RADIL: variants seen among roughly 807,000 people sequenced by gnomAD.
RADIL encodes ras-associating and dilute domain-containing protein.
In RADIL, 99 loss-of-function variants were observed where a neutral mutation model predicts 97.6. The ratio of observed to expected loss-of-function variants is 1.01; its 90% confidence interval spans 0.86 to 1.20. The LOEUF is 1.20. Ranked by LOEUF, RADIL falls within the 50% of genes most tolerant of loss-of-function variation. RADIL has a pLI of 0.00. For synonymous variants in RADIL, 803 were observed against 691.8 expected, an observed-to-expected ratio of 1.16 and a Z score of -2.52; for missense variants, 1,765 against 1,498.9, an observed-to-expected ratio of 1.18 and a Z score of -2.93.
intron 2 of RADIL, among the ~76,000 whole-genome samples, chr7:4,851,154 G>A (rs1008747761): frequency 9.3e-5 from 14 of 151,318 alleles, no homozygotes; most frequent in Admixed American, 5.3e-4. Flanking sequence ...GCAGTGAGCC[G>A]AGCTCATGCC....
At chr7:4,832,760 A>T (rs1290531191) in intron 4 of RADIL, among the ~76,000 whole-genome samples, 2 of 145,568 alleles carry the variant, frequency 1.4e-5, no homozygotes, top group Non-Finnish European at 2.9e-5. Flanking sequence ...AAAAAAAAAA[A>T]AAAGAATTAT....
intron 9 of RADIL, among the ~76,000 whole-genome samples, chr7:4,812,066 G>A (rs1394312144): frequency 6.6e-6 from 1 of 151,734 alleles, no homozygotes; most frequent in Admixed American, 6.6e-5. Flanking sequence ...TTTTTGTAGA[G>A]ATAGGGGTTC....
rs181760089 is a variant in RADIL, at chr7:4,879,118, G to A, written c.-64-915C>T. Among the ~76,000 whole-genome samples the A allele has an allele frequency of 6.3e-3, 967 of 152,322 alleles. 11 individuals carry two copies. Among genetic ancestry groups the A allele is most frequent in the African/African-American group, 0.022 (923 of 41,570 alleles). ...ACGGCGGGCACAAAGGGCCCCTCTC[G>A]AGCCGGTGCAGGCATGGCCGGAATG... On this transcript the variant is annotated intron_variant, in intron 1 of 14. Transcript: ENST00000399583. This position sits in a 1 kb window ranked among gnomAD's most constrained non-coding sequence, Gnocchi z 4.1.
Position 4,841,821 on chromosome 7 carries a change from C to T in RADIL, c.536-5216G>A, listed in dbSNP as rs143444379. On this transcript the variant is annotated intron_variant, in intron 2 of 14. Coordinates refer to ENST00000399583, the MANE Select transcript of RADIL (RefSeq NM_018059.5). Reference sequence around the variant, plus strand: ...CAGTGGCTCACGCCTGTAATCCCAGCACTTTGGGAGGCCGAGGCGGGAGGA... The same window carrying T: ...CAGTGGCTCACGCCTGTAATCCCAGTACTTTGGGAGGCCGAGGCGGGAGGA... Among the ~76,000 whole-genome samples, 655 of 152,350 alleles carry T rather than the reference C, an allele frequency of 4.3e-3. 4 individuals are homozygous for T. The highest frequency in any genetic ancestry group is 7.0e-3 in the Non-Finnish European group (476 of 68,038).
chr7:4,809,024 T>A (rs55822390), intron 9 of RADIL: 7 of 343,790 alleles, frequency 2.0e-5, no homozygotes, highest in Non-Finnish European at 2.3e-5. Flanking sequence ...CTGCCCCCCC[T>A]TGTCCCCTTC....
In RADIL at chr7:4,840,401, C is replaced by T. The variant is rs552086531; in HGVS notation, c.536-3796G>A. Among the ~76,000 whole-genome samples the T allele has an allele frequency of 4.6e-5, 7 of 152,184 alleles. No homozygotes were observed. Among genetic ancestry groups the T allele is most frequent in the Non-Finnish European group, 1.0e-4 (7 of 68,038 alleles). On this transcript the variant is annotated intron_variant, in intron 2 of 14. Transcript: ENST00000399583. This position sits in a 1 kb window ranked among gnomAD's most constrained non-coding sequence, Gnocchi z 5.6. ...GACAGGAGCCGAGGCACGTGGAGAGCATCCCTCGTGATGCTGACCCCAGCC... is the reference window on the plus strand; with the variant it reads ...GACAGGAGCCGAGGCACGTGGAGAGTATCCCTCGTGATGCTGACCCCAGCC...
rs369368164 is a variant in RADIL, at chr7:4,806,740, G to A, written c.2140-1024C>T. Among the ~76,000 whole-genome samples the A allele has an allele frequency of 4.1e-4, 63 of 152,322 alleles. 1 individual carries two copies. The South Asian group carries it at 0.012, about 28-fold the overall frequency. On this transcript the variant is annotated intron_variant, in intron 9 of 14. Transcript: ENST00000399583. Reference sequence around the variant, plus strand: ...CATTGCAGGAAACCCACTGCCCTGCGTGCTGGAACTGTCTTCACCTCCACC... The same window carrying A: ...CATTGCAGGAAACCCACTGCCCTGCATGCTGGAACTGTCTTCACCTCCACC...
At position 4,835,214 on chromosome 7, in the gene RADIL, C is replaced by T. The variant is rs181380789; in HGVS notation, c.809G>A (p.Arg270Gln). 50 of 1,610,982 alleles carry T rather than the reference C, an allele frequency of 3.1e-5. No individual in the cohort carries two copies. The African/African-American group carries it at 6.0e-4, about 19-fold the overall frequency. The change falls in exon 4 of 15, where the codon CGG (arginine) becomes CAG (glutamine). Residue 270 changes from arginine (R) to glutamine (Q), a missense_variant. Arg to Gln is a conservative substitution (Grantham distance 43). Transcript: ENST00000399583. The surrounding 1 kb of genome is among the most constrained non-coding windows in gnomAD (Gnocchi z 5.8). ...CCGCTGGCCCACCGTGTGCCGGTCC[C>T]GGTTGAGCACATACACCAGGCTGTC... ...QHDSLVYVLN[R>Q]DRHTVGQRTP... is the part of the protein sequence containing the mutation.
Position 4,814,576 on chromosome 7 carries a change from G to A in RADIL, c.2139+702C>T, listed in dbSNP as rs188647494. On this transcript the variant is annotated intron_variant, in intron 9 of 14. Transcript: ENST00000399583. This position sits in a 1 kb window ranked among gnomAD's most constrained non-coding sequence, Gnocchi z 4.5. The stretch of plus-strand genomic sequence containing the variant: ...GGCTGACTGTGTTGGGAGGGGGGTG[G>A]TGAGCAGCGAGGGAAGCAGGGAGGG... Among the ~76,000 whole-genome samples, 48 of 152,212 alleles carry A rather than the reference G, an allele frequency of 3.2e-4. No homozygotes were observed. The highest frequency in any genetic ancestry group is 6.2e-4 in the Non-Finnish European group (42 of 68,014).
Position 4,834,011 on chromosome 7 carries a change from C to G in RADIL, c.1416+596G>C, listed in dbSNP as rs115752259. 6.6e-6 allele frequency among the ~76,000 whole-genome samples: 1 copy of G among 152,174 alleles called. No individual in the cohort carries two copies. The highest frequency in any genetic ancestry group is 6.5e-5 in the Admixed American group (1 of 15,286). On this transcript the variant is annotated intron_variant, in intron 4 of 14. Coordinates refer to ENST00000399583, the MANE Select transcript of RADIL (RefSeq NM_018059.5). The surrounding 1 kb of genome is among the most constrained non-coding windows in gnomAD (Gnocchi z 6.0). ...AATCCTCTGCAATGCACAGGCCAGCCTCACAGCAAGGAGCTCTCCTGCCAC... is the reference window on the plus strand; with the variant it reads ...AATCCTCTGCAATGCACAGGCCAGCGTCACAGCAAGGAGCTCTCCTGCCAC...
In RADIL at chr7:4,832,090, C is replaced by A. The variant is rs764979324; in HGVS notation, c.1454+51G>T. ...ACTTGGCTCCCCCGGGAAGTGTGAG[C>A]CCCCAGGACCTGCTGCCCAGAGGCG... On this transcript the variant is annotated intron_variant, in intron 5 of 14. Coordinates refer to ENST00000399583, the MANE Select transcript of RADIL (RefSeq NM_018059.5). 3.1e-6 allele frequency: 5 copies of A among 1,596,012 alleles called. No individual in the cohort carries two copies. The South Asian group carries it at 3.4e-5, about 11-fold the overall frequency.
At chr7:4,816,088 C>A in intron 8 of RADIL, 140 bp downstream of exon 8, 1 of 762,488 alleles carries the variant, frequency 1.3e-6, no homozygotes, top group African/African-American at 1.7e-5. Context: ...GCCTCTCACC[C>A]CTCAGGGACA....
Position 4,838,466 on chromosome 7 carries a change from A to C in RADIL, c.536-1861T>G, listed in dbSNP as rs117858519. On this transcript the variant is annotated intron_variant, in intron 2 of 14. Transcript: ENST00000399583. The stretch of plus-strand genomic sequence containing the variant: ...AGGGGCTCCCAGAGGACCTGGCCAC[A>C]AATGCGGCACGGGATGTCCCAGGCC... Among the ~76,000 whole-genome samples the C allele has an allele frequency of 2.9e-3, 448 of 152,196 alleles. 3 individuals are homozygous for C. Among genetic ancestry groups the C allele is most frequent in the South Asian group, 7.9e-3 (38 of 4,814 alleles).
intron 1 of RADIL, among the ~76,000 whole-genome samples, chr7:4,881,581 G>A (rs1437518359): frequency 6.6e-6 from 1 of 151,810 alleles, no homozygotes; most frequent in African/African-American, 2.4e-5. Flanking sequence ...ACAAAAATTA[G>A]CTGGGCATGG....
rs149163190 is a variant in RADIL at position 4,832,372 on chromosome 7, C to T, written c.1417-194G>A. Among the ~76,000 whole-genome samples the T allele has an allele frequency of 5.0e-4, 76 of 152,226 alleles. 1 individual carries two copies. The highest frequency in any genetic ancestry group is 1.6e-3 in the African/African-American group (68 of 41,510). ...CTTCAACATCTTCCCATTCCATTAC[C>T]GACTATGACCTACAAGTTTGCTACA... On this transcript the variant is annotated intron_variant, in intron 4 of 14. Coordinates refer to ENST00000399583, the MANE Select transcript of RADIL (RefSeq NM_018059.5).
intron 2 of RADIL, among the ~76,000 whole-genome samples, chr7:4,850,024 T>C (rs80244311): frequency 3.0e-4 from 45 of 152,144 alleles, no homozygotes; most frequent in Non-Finnish European, 4.1e-4. Context: ...CCCAAATACA[T>C]AGAGTGTTTC....
chr7:4,801,842 G>T lies in RADIL; in HGVS notation c.2653C>A (p.Pro885Thr), dbSNP rs748062521. The T allele has an allele frequency of 3.1e-6, 5 of 1,600,152 alleles. No homozygotes were observed. In the South Asian group the frequency reaches 5.6e-5, roughly 18 times the overall value. Reference protein sequence around the residue: ...PWAQAPPGRQPSRGGSQAGPP... With the variant: ...PWAQAPPGRQTSRGGSQAGPP... ...CCAGCCTGGGAGCCCCCACGGCTGG[G>T]TTGCCTTCCAGGGGGGGCCTGTGCC... is the stretch of plus-strand genomic sequence containing the variant. The change falls in exon 12 of 15, where the codon CCC becomes ACC. Residue 885 changes from proline to threonine, a missense_variant. Pro to Thr is a conservative substitution (Grantham distance 38). Coordinates refer to ENST00000399583, the MANE Select transcript of RADIL (RefSeq NM_018059.5).
chr7:4,872,915 G>A lies in RADIL; in HGVS notation c.535+4690C>T, dbSNP rs531871896. Among the ~76,000 whole-genome samples, 10 of 152,224 alleles carry A rather than the reference G, an allele frequency of 6.6e-5. No homozygotes were observed. Among genetic ancestry groups the A allele is most frequent in the Admixed American group, 1.3e-4 (2 of 15,286 alleles). ...TGCTTCCCCTGAAATGGTGCAACCCGTTAGCCCAACCCAGAACCAATGTGA... is the reference window on the plus strand; with the variant it reads ...TGCTTCCCCTGAAATGGTGCAACCCATTAGCCCAACCCAGAACCAATGTGA... On this transcript the variant is annotated intron_variant, in intron 2 of 14. Coordinates refer to ENST00000399583, the MANE Select transcript of RADIL (RefSeq NM_018059.5). This position sits in a 1 kb window ranked among gnomAD's most constrained non-coding sequence, Gnocchi z 5.8.
intron 7 of RADIL, 134 bp from the exon 8 acceptor site, chr7:4,816,599 A>G (rs1388871045): frequency 2.9e-6 from 2 of 699,184 alleles, no homozygotes; most frequent in Admixed American, 5.3e-5. Flanking sequence ...CCTGCTGGAC[A>G]GGCCATGGCT....
Sources: allele counts gnomAD v4.1 joint callset (sites outside exome capture counted in the v4.1 genomes callset), GRCh38; gene constraint gnomAD v4.1.1; non-coding constraint Gnocchi (gnomAD v3.1); transcripts MANE v1.5; gene names NCBI Gene and HGNC (gene_info 2026-07-23, HGNC 2026-07-21).